PTPRN2: variants seen among roughly 807,000 people sequenced by gnomAD.
PTPRN2 encodes protein tyrosine phosphatase receptor type N2.
In PTPRN2, 74 loss-of-function variants were observed where a neutral mutation model predicts 118.8. The ratio of observed to expected loss-of-function variants is 0.62; its 90% CI spans 0.52 to 0.76. PTPRN2 has a LOEUF of 0.76. Among genes scored for constraint, PTPRN2 ranks in the 30% least tolerant of loss-of-function variants. PTPRN2 has a pLI of 0.00. For missense variants in PTPRN2, 1,481 were observed against 1,394.4 expected (o/e 1.06, Z -0.99); for synonymous variants, 641 against 608.0 (o/e 1.05, Z -0.80).
In PTPRN2 at chr7:157,701,897, G is replaced by C; in HGVS notation, c.1789-18960C>G. ...GGCTGTGGGTTTGTAAGAGAGCCGG[G>C]TAGGTGCTGGTGTAACTGACGCGGG... On this transcript the variant is annotated intron_variant, in intron 12 of 22. Coordinates refer to ENST00000389418, the MANE Select transcript of PTPRN2 (RefSeq NM_002847.5). 1.3e-5 allele frequency among the ~76,000 whole-genome samples: 2 copies of C among 148,624 alleles called. 1 individual carries two copies. Among genetic ancestry groups the C allele is most frequent in the South Asian group, 4.5e-4 (2 of 4,444 alleles).
At position 157,840,018 on chromosome 7, in the gene PTPRN2, GTGAC is replaced by G. The variant is rs375936950; in HGVS notation, c.1788+58651_1788+58654del. Among the ~76,000 whole-genome samples, 257 of 151,832 alleles carry G rather than the reference GTGAC, an allele frequency of 1.7e-3. 1 individual carries two copies. Among genetic ancestry groups the G allele is most frequent in the African/African-American group, 4.4e-3 (181 of 41,378 alleles). On this transcript the variant is annotated intron_variant, in intron 12 of 22. Transcript: ENST00000389418. ...GCCGTGTGTGACTGTGTGTGACTGTGTGACTGTGTGTGACTGTGTGACCACATGG... is the reference window on the plus strand; with the variant it reads ...GCCGTGTGTGACTGTGTGTGACTGTGTGTGTGTGACTGTGTGACCACATGG...
At chr7:158,327,538 TAC>T (rs1803746932) in intron 2 of PTPRN2, among the ~76,000 whole-genome samples, 1 of 151,712 alleles carries the variant, frequency 6.6e-6, no homozygotes, top group African/African-American at 2.4e-5. Context: ...CATGCACATG[TAC>T]ACACTATCTG....
intron 2 of PTPRN2, among the ~76,000 whole-genome samples, chr7:158,477,963 G>A (rs1403435809): frequency 6.6e-6 from 1 of 152,254 alleles, no homozygotes; most frequent in Admixed American, 6.5e-5. Flanking sequence ...GGCCAGGAAA[G>A]AGGGAGGCAC....
At chr7:158,390,459 G>C (rs1451435074) in intron 2 of PTPRN2, among the ~76,000 whole-genome samples, 1 of 152,236 alleles carries the variant, frequency 6.6e-6, no homozygotes, top group Non-Finnish European at 1.5e-5. Context: ...GAGTCTCTGA[G>C]CTGGAGGCCC....
intron 14 of PTPRN2, among the ~76,000 whole-genome samples, chr7:157,650,878 C>T (rs571726843): frequency 3.9e-5 from 6 of 152,332 alleles, no homozygotes; most frequent in African/African-American, 1.4e-4. Flanking sequence ...ACTAAGAAGC[C>T]TGGAGCCTGA....
intron 11 of PTPRN2, among the ~76,000 whole-genome samples, chr7:158,065,627 GA>G (rs1207003253): frequency 2.0e-5 from 3 of 152,236 alleles, no homozygotes; most frequent in African/African-American, 4.8e-5. Context: ...CCACGGGTCA[GA>G]CCAAGGTTTT....
intron 12 of PTPRN2, among the ~76,000 whole-genome samples, chr7:157,775,049 C>A (rs895341255): frequency 6.6e-6 from 1 of 152,158 alleles, no homozygotes; most frequent in Non-Finnish European, 1.5e-5. Flanking sequence ...TCAGCAGAGT[C>A]TGAGGGCCTG....
In PTPRN2 at chr7:157,631,775, T is replaced by G. The variant is rs1328388750; in HGVS notation, c.2197-10266A>C. The stretch of plus-strand genomic sequence containing the variant: ...TGAACCCGGGAGGCGGAGCTTGCAG[T>G]GAGCCGAGATTGTGCCACTGCACTC... On this transcript the variant is annotated intron_variant, in intron 14 of 22. Transcript: ENST00000389418. Among the ~76,000 whole-genome samples, 18 of 147,678 alleles carry G rather than the reference T, an allele frequency of 1.2e-4. No homozygotes were observed. In the Admixed American group the frequency reaches 1.2e-3, roughly 10 times the overall value.
rs1563393361 is a variant in PTPRN2 at position 158,071,762 on chromosome 7, C to CGTGGTGATGGAGGTGCTT, written c.1723+9518_1723+9535dup. ...TGGAGGTGCTCATGGTGGAGGTGCT[C>CGTGGTGATGGAGGTGCTT]GTGGTGATGGAGGTGCTTGTGGTGG... On this transcript the variant is annotated intron_variant, in intron 11 of 22. Transcript: ENST00000389418. 1.3e-3 allele frequency among the ~76,000 whole-genome samples: 104 copies of CGTGGTGATGGAGGTGCTT among 80,612 alleles called. 7 individuals carry two copies. Among genetic ancestry groups the CGTGGTGATGGAGGTGCTT allele is most frequent in the African/African-American group, 7.9e-3 (93 of 11,776 alleles). 52.9% of individuals were successfully genotyped at this position (80,612 alleles called of 152,430 possible).
At chr7:158,201,025 A>G (rs530360146) in intron 4 of PTPRN2, among the ~76,000 whole-genome samples, 2 of 151,832 alleles carry the variant, frequency 1.3e-5, no homozygotes, top group African/African-American at 4.8e-5. Flanking sequence ...AATTCTTTTT[A>G]AAAATCATGT....
intron 12 of PTPRN2, among the ~76,000 whole-genome samples, chr7:157,722,423 G>C (rs78023325): frequency 1.3e-5 from 2 of 152,098 alleles, no homozygotes; most frequent in African/African-American, 4.8e-5. Flanking sequence ...AGGGGCTCTC[G>C]AGGCAGAACC....
chr7:158,071,072 G>A (rs1281429410), intron 11 of PTPRN2, among the ~76,000 whole-genome samples: 1 of 82,270 alleles, frequency 1.2e-5, no homozygotes. Context: ...GGTGCTCGTG[G>A]TGGTGGAGGT....
intron 11 of PTPRN2, among the ~76,000 whole-genome samples, chr7:158,052,253 C>T (rs951960934): frequency 6.6e-6 from 1 of 152,162 alleles, no homozygotes; most frequent in African/African-American, 2.4e-5. Flanking sequence ...TAAGTGATCG[C>T]CTTTGATGTT....
intron 12 of PTPRN2, among the ~76,000 whole-genome samples, chr7:157,877,135 T>C (rs1438552625): frequency 4.4e-5 from 5 of 113,734 alleles, no homozygotes; most frequent in Non-Finnish European, 8.8e-5. Flanking sequence ...CCGAGTGCCA[T>C]GGTCAGGGTT....
chr7:157,989,896 C>T (rs1370097123), intron 11 of PTPRN2, among the ~76,000 whole-genome samples: 10 of 152,114 alleles, frequency 6.6e-5, no homozygotes, highest in East Asian at 1.9e-4. Context: ...CATCCCACCC[C>T]GCCCTGCCCA....
intron 3 of PTPRN2, among the ~76,000 whole-genome samples, chr7:158,215,618 G>C (rs1452517078): frequency 2.6e-5 from 4 of 152,132 alleles, no homozygotes; most frequent in Non-Finnish European, 5.9e-5. Flanking sequence ...ACAGCAGCCA[G>C]AGAAAAATGA....
At chr7:158,080,774 G>C (rs930480554) in intron 11 of PTPRN2, among the ~76,000 whole-genome samples, 11 of 152,122 alleles carry the variant, frequency 7.2e-5, no homozygotes, top group African/African-American at 2.7e-4. Flanking sequence ...CAGAACCCTG[G>C]GCTCTAAACA....
chr7:157,639,663 T>C lies in PTPRN2; in HGVS notation c.2196+16694A>G, dbSNP rs532183545. ...GTGGAAGGCAGGCGACAGGATTCCC[T>C]ACATCTAAAATCAGGGTCTTGGACT... On this transcript the variant is annotated intron_variant, in intron 14 of 22. Transcript: ENST00000389418. Among the ~76,000 whole-genome samples, 14 of 152,356 alleles carry C rather than the reference T, an allele frequency of 9.2e-5. No homozygotes were observed. The South Asian group carries it at 1.0e-3, about 11-fold the overall frequency.
rs1801980110 is a variant in PTPRN2 at position 157,759,062 on chromosome 7, CTA to C, written c.1789-76127_1789-76126del. Among the ~76,000 whole-genome samples the C allele has an allele frequency of 2.0e-5, 3 of 152,362 alleles. No individual in the cohort carries two copies. The East Asian group carries it at 5.8e-4, about 29-fold the overall frequency. ...CGTTTCAAGAAAAAGGCAAGTGACT[CTA>C]TTATTCCTCGTTTCTCTTGGGTCTG... is the stretch of plus-strand genomic sequence containing the variant. On this transcript the variant is annotated intron_variant, in intron 12 of 22. Coordinates refer to ENST00000389418, the MANE Select transcript of PTPRN2 (RefSeq NM_002847.5).
Sources: allele counts gnomAD v4.1 joint callset (sites outside exome capture counted in the v4.1 genomes callset), GRCh38; gene constraint gnomAD v4.1.1; transcripts MANE v1.5; gene names NCBI Gene and HGNC (gene_info 2026-07-23, HGNC 2026-07-21).